The following SCOC variants were observed in gnomAD, a reference collection of about 807,000 sequenced individuals.
SCOC encodes the protein short coiled coil protein.
In SCOC, 7 loss-of-function variants were observed where a neutral mutation model predicts 9.9. The ratio of observed to expected loss-of-function variants is 0.71; its 90% CI spans 0.40 to 1.33. The LOEUF (loss-of-function observed/expected upper bound fraction) is 1.33. SCOC is among the 40% of genes most tolerant of loss of function. The probability of loss-of-function intolerance (pLI) is 0.01; values close to 1 mark genes in which losing one functional copy is unlikely to be tolerated. For missense variants in SCOC, 66 were observed against 89.7 expected (o/e 0.74, Z 1.07); for synonymous variants, 19 against 28.2 (o/e 0.67, Z 1.03).
chr4:140,259,204 A>G (rs1730575625), intron 1 of SCOC, among the ~76,000 whole-genome samples: 1 of 152,240 alleles, frequency 6.6e-6, no homozygotes, highest in Non-Finnish European at 1.5e-5. Context: ...TTACAAGATG[A>G]AAAAGGATGC....
intron 2 of SCOC, among the ~76,000 whole-genome samples, chr4:140,362,304 T>G (rs374202745): frequency 3.6e-5 from 2 of 55,144 alleles, no homozygotes; most frequent in African/African-American, 1.2e-4. Flanking sequence ...TTCTTCTTTT[T>G]TTTTTTTTTT....
chr4:140,292,890 ATCACTGGGGC>A (rs1180507295), intron 1 of SCOC, among the ~76,000 whole-genome samples: 1 of 152,190 alleles, frequency 6.6e-6, no homozygotes, highest in Non-Finnish European at 1.5e-5. Flanking sequence ...TGGTTTAAGC[ATCACTGGGGC>A]TTTGAAACTT....
intron 2 of SCOC, among the ~76,000 whole-genome samples, chr4:140,344,364 A>G (rs911055000): frequency 6.6e-6 from 1 of 152,100 alleles, no homozygotes; most frequent in East Asian, 1.9e-4. Flanking sequence ...TTTCTATCCA[A>G]GTTCCTTTAG....
At chr4:140,366,118 A>C (rs1165179006) in intron 2 of SCOC, 3 of 401,620 alleles carry the variant, frequency 7.5e-6, no homozygotes, top group Non-Finnish European at 9.0e-6. Context: ...AATTTTAAAA[A>C]TCCATGAGCA....
At chr4:140,309,232 C>T in intron 1 of SCOC, among the ~76,000 whole-genome samples, 1 of 152,236 alleles carries the variant, frequency 6.6e-6, no homozygotes, top group East Asian at 1.9e-4. Context: ...AAGTGATGCA[C>T]TTTTAATTCT....
chr4:140,352,809 A>G (rs1578845263), intron 2 of SCOC, among the ~76,000 whole-genome samples: 1 of 152,226 alleles, frequency 6.6e-6, no homozygotes, highest in African/African-American at 2.4e-5. Context: ...CGTCATTAGA[A>G]TAAGCACAAA....
At chr4:140,355,687 G>A (rs899525233) in intron 2 of SCOC, among the ~76,000 whole-genome samples, 4 of 152,166 alleles carry the variant, frequency 2.6e-5, no homozygotes, top group Non-Finnish European at 4.4e-5. Context: ...TAGAATCAGA[G>A]GGCAAGAAGA....
rs1728483983 is a variant in SCOC at position 140,379,570 on chromosome 4, A to C, written c.24A>C (p.Ala8=). Reference sequence around the variant, plus strand: ...TAAATTTGAACCTTTATATTACAGCAGTTGATGCTGAAAATCAAGTGGAAC... The same window carrying C: ...TAAATTTGAACCTTTATATTACAGCCGTTGATGCTGAAAATCAAGTGGAAC... MMNADMD[A]VDAENQVELE... The change falls in exon 3 of 4, where the codon GCA becomes GCC. Residue 8 remains alanine, a splice_region_variant and synonymous_variant. Transcript: ENST00000608372. 6.2e-7 allele frequency: 1 copy of C among 1,608,730 alleles called. No individual in the cohort carries two copies. The highest frequency in any genetic ancestry group is 1.3e-5 in the African/African-American group (1 of 74,812).
intron 1 of SCOC, among the ~76,000 whole-genome samples, chr4:140,313,690 G>A (rs904583929): frequency 2.6e-5 from 4 of 152,178 alleles, no homozygotes; most frequent in African/African-American, 7.2e-5. Flanking sequence ...CTAGTATCCC[G>A]GTGGAGGCAG....
intron 1 of SCOC, among the ~76,000 whole-genome samples, chr4:140,260,126 T>A (rs1730599349): frequency 1.3e-5 from 2 of 152,180 alleles, no homozygotes; most frequent in African/African-American, 4.8e-5. Context: ...GTGTTTTGAG[T>A]TGCTGCCTAA....
At chr4:140,325,835 T>A (rs1233789985) in intron 1 of SCOC, among the ~76,000 whole-genome samples, 2 of 152,190 alleles carry the variant, frequency 1.3e-5, no homozygotes, top group Non-Finnish European at 2.9e-5. Context: ...AAGGCATTTA[T>A]CCAAATGAGT....
intron 1 of SCOC, among the ~76,000 whole-genome samples, chr4:140,289,024 A>T (rs1222118991): frequency 6.6e-6 from 1 of 152,058 alleles, no homozygotes; most frequent in Non-Finnish European, 1.5e-5. Context: ...CATGACACAC[A>T]CACTCACTAC....
At chr4:140,270,612 AT>A (rs1200381583) in intron 1 of SCOC, among the ~76,000 whole-genome samples, 3 of 152,174 alleles carry the variant, frequency 2.0e-5, no homozygotes, top group Non-Finnish European at 4.4e-5. Flanking sequence ...TCTACCCCTC[AT>A]TGCCTGCTAC....
Position 140,357,467 on chromosome 4 carries a change from T to C in SCOC, c.70+13759T>C, listed in dbSNP as rs76373314. On this transcript the variant is annotated intron_variant, in intron 2 of 4. Coordinates refer to the SCOC transcript ENST00000338517. ...TTCCTTTATCCATTCACCCATTACA[T>C]ACCCAGCTGTCAGTTCCGTGTATCT... Among the ~76,000 whole-genome samples, 294 of 152,340 alleles carry C rather than the reference T, an allele frequency of 1.9e-3. 2 individuals carry two copies. Among genetic ancestry groups the C allele is most frequent in the African/African-American group, 6.6e-3 (274 of 41,566 alleles).
At chr4:140,355,251 T>A (rs1046814764) in intron 2 of SCOC, among the ~76,000 whole-genome samples, 1 of 140,972 alleles carries the variant, frequency 7.1e-6, no homozygotes, top group Non-Finnish European at 1.5e-5. Context: ...ATATATATAA[T>A]GTATATAAAA....
intron 1 of SCOC, among the ~76,000 whole-genome samples, chr4:140,300,885 G>A (rs1406999336): frequency 6.6e-6 from 1 of 152,314 alleles, no homozygotes; most frequent in South Asian, 2.1e-4. Context: ...TCTGCAATGA[G>A]TCTCAGGACA....
Position 140,382,671 on chromosome 4 carries a change from A to T in SCOC, c.*1567A>T, listed in dbSNP as rs1446308859. 1 of 152,620 alleles carries T rather than the reference A, an allele frequency of 6.6e-6. No individual in the cohort carries two copies. Among genetic ancestry groups the T allele is most frequent in the Non-Finnish European group, 1.5e-5 (1 of 68,038 alleles). 9.5% of individuals were successfully genotyped at this position (152,620 alleles called of 1,614,324 possible). ...TTATTTAAGTACCCAGTTACTGATTATTTAGGGGAATAATATTTTTATTAA... is the reference window on the plus strand; with the variant it reads ...TTATTTAAGTACCCAGTTACTGATTTTTTAGGGGAATAATATTTTTATTAA... On this transcript the variant is annotated 3_prime_UTR_variant, in exon 4 of 4. Coordinates refer to ENST00000608372, the MANE Select transcript of SCOC (RefSeq NM_001153484.2).
Position 140,367,399 on chromosome 4 carries a change from A to G in SCOC, c.71-11722A>G, listed in dbSNP as rs543849761. ...TTAAAGCCAGATTATTTTTTTTTTG[A>G]GATGGAGTCTTGCTGTGTTGCCCAG... On this transcript the variant is annotated intron_variant, in intron 2 of 4. Coordinates refer to the SCOC transcript ENST00000338517. Among the ~76,000 whole-genome samples, 4 of 150,626 alleles carry G rather than the reference A, an allele frequency of 2.7e-5. No homozygotes were observed. In the East Asian group the frequency reaches 7.8e-4, roughly 29 times the overall value.
At position 140,373,709 on chromosome 4, in the gene SCOC, A is replaced by G. The variant is rs1433562342; in HGVS notation, c.-59A>G. On this transcript the variant is annotated 5_prime_UTR_variant, in exon 1 of 4. Coordinates refer to ENST00000608372, the MANE Select transcript of SCOC (RefSeq NM_001153484.2). ...GGATCCCTCCTTCTCCCGGCGCCTC[A>G]AGCGGAAGGTGAGGGCCGTCCCGGG... 4 of 1,548,014 alleles carry G rather than the reference A, an allele frequency of 2.6e-6. No homozygotes were observed. The South Asian group carries it at 4.8e-5, about 18-fold the overall frequency.
Sources: allele counts gnomAD v4.1 joint callset (sites outside exome capture counted in the v4.1 genomes callset), GRCh38; gene constraint gnomAD v4.1.1; transcripts MANE v1.5; gene names NCBI Gene and HGNC (gene_info 2026-07-23, HGNC 2026-07-21).